The following KANK1 variants were observed in gnomAD, a reference collection of about 807,000 sequenced individuals.
KANK1 encodes the protein KN motif and ankyrin repeat domains 1, also known as KN motif and ankyrin repeat domain-containing protein 1.
A neutral mutation model predicts 106.2 loss-of-function variants in KANK1; 109 were observed. That is an observed-to-expected ratio of 1.03 (90% CI 0.88 to 1.20). KANK1 has a LOEUF of 1.20. Ranked by LOEUF, KANK1 falls within the 50% of genes most tolerant of loss-of-function variation. The probability of loss-of-function intolerance (pLI) is 0.00; values close to 1 mark genes in which losing one functional copy is unlikely to be tolerated. For missense variants in KANK1, 2,399 were observed against 1,710.7 expected, an observed-to-expected ratio of 1.40 and a Z score of -7.10; for synonymous variants, 873 against 652.2, an observed-to-expected ratio of 1.34 and a Z score of -5.16.
intron 3 of KANK1, among the ~76,000 whole-genome samples, chr9:729,235 C>T (rs1050335870): frequency 2.6e-5 from 4 of 152,142 alleles, no homozygotes; most frequent in Non-Finnish European, 4.4e-5. Context: ...GTTTGATGCC[C>T]TCAAAATATT....
At chr9:508,879 A>G (rs2058899169) in intron 1 of KANK1, among the ~76,000 whole-genome samples, 1 of 152,200 alleles carries the variant, frequency 6.6e-6, no homozygotes, top group Non-Finnish European at 1.5e-5. Context: ...CTTGATACAC[A>G]ATATCCAATA....
intron 1 of KANK1, among the ~76,000 whole-genome samples, chr9:575,427 G>C (rs1820284757): frequency 6.6e-6 from 1 of 151,820 alleles, no homozygotes; most frequent in Non-Finnish European, 1.5e-5. Context: ...CAGCACTTTG[G>C]GAGACTGAGC....
intron 1 of KANK1, among the ~76,000 whole-genome samples, chr9:561,234 C>G (rs1364358992): frequency 6.6e-6 from 1 of 152,130 alleles, no homozygotes; most frequent in Non-Finnish European, 1.5e-5. Flanking sequence ...ATATGTTTTT[C>G]TATTTCAATC....
intron 8 of KANK1, 62 bp from the exon 9 acceptor site, chr9:740,730 G>C (rs1014173865): frequency 1.3e-6 from 2 of 1,558,892 alleles, no homozygotes; most frequent in African/African-American, 1.4e-5. Context: ...CAGTGGCTTC[G>C]TAAGCGGCTG....
At chr9:528,505 G>A (rs1397262878) in intron 1 of KANK1, among the ~76,000 whole-genome samples, 11 of 120,354 alleles carry the variant, frequency 9.1e-5, no homozygotes, top group East Asian at 2.1e-4. Flanking sequence ...TTTTTGAGAC[G>A]GAGTCTCACT....
intron 2 of KANK1, among the ~76,000 whole-genome samples, chr9:690,460 T>C (rs9299039): frequency 0.7 from 107,065 of 152,002 alleles, 38,533 homozygotes; most frequent in Middle Eastern, 0.8. Context: ...TGTAAAAGGC[T>C]GAAGTAATCA....
intron 1 of KANK1, among the ~76,000 whole-genome samples, chr9:662,631 C>G (rs1270070375): frequency 2.6e-5 from 4 of 151,904 alleles, no homozygotes; most frequent in African/African-American, 9.7e-5. Context: ...AAAGCTGAAA[C>G]TGCATCCCTT....
At chr9:633,159 A>G (rs998221015) in intron 1 of KANK1, among the ~76,000 whole-genome samples, 8 of 152,000 alleles carry the variant, frequency 5.3e-5, no homozygotes, top group African/African-American at 1.7e-4. Flanking sequence ...TGGACTATTG[A>G]TAAGAACCCA....
chr9:592,634 A>C (rs1825253680), intron 1 of KANK1, among the ~76,000 whole-genome samples: 1 of 151,948 alleles, frequency 6.6e-6, no homozygotes, highest in South Asian at 2.1e-4. Context: ...CAGGCATTTA[A>C]CTATATTTAC....
intron 4 of KANK1, 129 bp downstream of exon 4, chr9:730,377 G>GC: frequency 1.0e-6 from 1 of 983,886 alleles, no homozygotes; most frequent in Non-Finnish European, 1.5e-6. Flanking sequence ...TGGAAGGTAG[G>GC]CCCAGAATAT....
chr9:717,375 C>T (rs569334754), intron 3 of KANK1, among the ~76,000 whole-genome samples: 6 of 152,174 alleles, frequency 3.9e-5, no homozygotes, highest in Non-Finnish European at 5.9e-5. Context: ...CTGTGGTAGC[C>T]CGCGTGTGTT....
At chr9:695,561 T>TA (rs1821042485) in intron 2 of KANK1, among the ~76,000 whole-genome samples, 6 of 151,444 alleles carry the variant, frequency 4.0e-5, no homozygotes, top group Admixed American at 3.9e-4. Flanking sequence ...TTAGCAGACT[T>TA]ACTTGGTCTT....
chr9:598,023 C>T (rs1180383092), intron 1 of KANK1, among the ~76,000 whole-genome samples: 1 of 151,684 alleles, frequency 6.6e-6, no homozygotes, highest in Non-Finnish European at 1.5e-5. Flanking sequence ...GTTGTTAATT[C>T]ATTTTGAGTT....
chr9:713,068 G>C lies in KANK1; in HGVS notation c.2302G>C (p.Asp768His). The change falls in exon 3 of 12, where the codon GAC becomes CAC. Residue 768 changes from aspartate (D) to histidine (H), a missense_variant. Physicochemically the swap from Asp to His is moderately conservative, Grantham distance 81 (BLOSUM62 -1). Coordinates refer to ENST00000382297, the MANE Select transcript of KANK1 (RefSeq NM_015158.5). ...ESGVGQININ[D>H]NYLVGLKMRT... ...AGGTGTGGGGCAGATAAATATTAAC[G>C]ACAACTATCTGGTTGGTCTCAAAAT... 2 of 1,614,040 alleles carry C rather than the reference G, an allele frequency of 1.2e-6. No individual in the cohort carries two copies. The highest frequency in any genetic ancestry group is 1.7e-6 in the Non-Finnish European group (2 of 1,179,952).
chr9:604,334 G>A (rs903905151), intron 1 of KANK1, among the ~76,000 whole-genome samples: 1 of 151,704 alleles, frequency 6.6e-6, no homozygotes, highest in Non-Finnish European at 1.5e-5. Flanking sequence ...ATCCCCACGT[G>A]TTGAGGGAGG....
chr9:727,680 A>ATGTGTGTGTGTGTGTGTGTGTGTG (rs55997819), intron 3 of KANK1, among the ~76,000 whole-genome samples: 1 of 139,660 alleles, frequency 7.2e-6, no homozygotes, highest in East Asian at 2.1e-4. Flanking sequence ...ATAACTTTTC[A>ATGTGTGTGTGTGTGTGTGTGTGTG]TGTGTGTGTG....
chr9:677,604 T>C (rs1816662051), intron 2 of KANK1: 1 of 152,270 alleles, frequency 6.6e-6, no homozygotes, highest in Non-Finnish European at 1.5e-5. Flanking sequence ...GTACACGAAA[T>C]GCAGAGAAGA....
intron 1 of KANK1, among the ~76,000 whole-genome samples, chr9:618,661 C>T (rs1040954881): frequency 3.3e-5 from 5 of 152,064 alleles, no homozygotes; most frequent in Non-Finnish European, 5.9e-5. Context: ...AGTAGACATT[C>T]GTGAAATTAT....
intron 1 of KANK1, among the ~76,000 whole-genome samples, chr9:547,037 T>G (rs2060974753): frequency 6.6e-6 from 1 of 152,256 alleles, no homozygotes; most frequent in African/African-American, 2.4e-5. Flanking sequence ...AAAATTGTGT[T>G]CCCAGATCGG....
Sources: allele counts gnomAD v4.1 joint callset (sites outside exome capture counted in the v4.1 genomes callset), GRCh38; gene constraint gnomAD v4.1.1; transcripts MANE v1.5; gene names NCBI Gene and HGNC (gene_info 2026-07-23, HGNC 2026-07-21).